The following CATSPERB variants were observed in gnomAD, a reference collection of about 807,000 sequenced individuals.
CATSPERB encodes catsper channel auxiliary subunit beta, also known as cation channel sperm-associated auxiliary subunit beta.
A neutral mutation model predicts 128.3 loss-of-function variants in CATSPERB; 93 were observed. The observed-to-expected ratio is 0.72, with a 90% CI of 0.61 to 0.86. The LOEUF is 0.86. Ranked by LOEUF, CATSPERB falls within the 40% of genes least tolerant of loss-of-function variation. The pLI is 0.00. For missense variants in CATSPERB, 1,153 were observed against 1,329.5 expected, an observed-to-expected ratio of 0.87 and a Z score of 2.06; for synonymous variants, 381 against 448.8, an observed-to-expected ratio of 0.85 and a Z score of 1.91.
chr14:91,617,760 A>T (rs1279680542), intron 19 of CATSPERB, 24 bp from the exon 20 acceptor site: 3 of 1,505,654 alleles, frequency 2.0e-6, no homozygotes, highest in South Asian at 2.5e-5. Flanking sequence ...GTTAACAGTT[A>T]ATATTAGATA....
chr14:91,721,471 C>T (rs940563890), intron 4 of CATSPERB, among the ~76,000 whole-genome samples: 3 of 152,102 alleles, frequency 2.0e-5, no homozygotes, highest in African/African-American at 7.2e-5. Context: ...TGAAAAGATA[C>T]TCAACATCAT....
chr14:91,605,108 G>C, intron 22 of CATSPERB: 1 of 1,255,222 alleles, frequency 8.0e-7, no homozygotes. Context: ...GCCTTTGGGA[G>C]GGGTGGAAGA....
intron 5 of CATSPERB, among the ~76,000 whole-genome samples, chr14:91,711,088 G>A (rs1462684002): frequency 1.3e-5 from 2 of 152,192 alleles, no homozygotes; most frequent in Non-Finnish European, 2.9e-5. Flanking sequence ...GAGTCCATCT[G>A]ATAATTCAGT....
In CATSPERB at chr14:91,723,204, G is replaced by T. The variant is rs879186979; in HGVS notation, c.169-15C>A. 1 of 1,283,344 alleles carries T rather than the reference G, an allele frequency of 7.8e-7. No individual in the cohort carries two copies. The highest frequency in any genetic ancestry group is 1.6e-5 in the African/African-American group (1 of 63,296). The allele number at this position is 1,283,344 out of a possible 1,614,324, so 79.5% of individuals were successfully genotyped here. On this transcript the variant is annotated splice_polypyrimidine_tract_variant and intron_variant, in intron 3 of 26. Coordinates refer to ENST00000256343, the MANE Select transcript of CATSPERB (RefSeq NM_024764.4). ...CACTGGATTTTCTTTAGGAAAGCAA[G>T]AAAAAAAAAAACAACTAATAACCAC...
chr14:91,645,677 C>G (rs897146007), intron 15 of CATSPERB, among the ~76,000 whole-genome samples: 2 of 131,734 alleles, frequency 1.5e-5, no homozygotes, highest in South Asian at 3.1e-4. Context: ...CTGTGCCCTG[C>G]CCCCAGAGGT....
intron 1 of CATSPERB, among the ~76,000 whole-genome samples, chr14:91,731,191 G>A (rs527818381): frequency 3.9e-5 from 6 of 152,300 alleles, no homozygotes; most frequent in African/African-American, 7.2e-5. Flanking sequence ...TATGAAGCAC[G>A]TGGTGGAAAT....
intron 5 of CATSPERB, among the ~76,000 whole-genome samples, chr14:91,717,582 A>G (rs1895963759): frequency 6.6e-6 from 1 of 152,208 alleles, no homozygotes; most frequent in Non-Finnish European, 1.5e-5. Context: ...TAACATAGAT[A>G]GAGTGTTTAG....
intron 23 of CATSPERB, among the ~76,000 whole-genome samples, chr14:91,590,310 C>T (rs377542109): frequency 6.6e-5 from 10 of 152,090 alleles, no homozygotes; most frequent in African/African-American, 1.9e-4. Context: ...GCAGGTGGAT[C>T]ACTTGAGGTC....
chr14:91,630,345 T>C (rs1894252636), intron 17 of CATSPERB, among the ~76,000 whole-genome samples: 1 of 152,178 alleles, frequency 6.6e-6, no homozygotes, highest in African/African-American at 2.4e-5. Context: ...GCAGGTAGAA[T>C]CACCCATCTG....
chr14:91,728,666 C>T (rs531080144), intron 2 of CATSPERB, among the ~76,000 whole-genome samples: 55 of 152,262 alleles, frequency 3.6e-4, no homozygotes, highest in Non-Finnish European at 1.5e-4. Flanking sequence ...TAATAAAACA[C>T]AGAAAATTAC....
chr14:91,603,016 A>G (rs1893633401), intron 22 of CATSPERB, among the ~76,000 whole-genome samples: 2 of 151,878 alleles, frequency 1.3e-5, no homozygotes, highest in Admixed American at 1.3e-4. Flanking sequence ...ACACATCTGC[A>G]GTATTAGTGA....
intron 20 of CATSPERB, among the ~76,000 whole-genome samples, chr14:91,612,797 A>C (rs1893859883): frequency 6.6e-6 from 1 of 152,184 alleles, no homozygotes; most frequent in Admixed American, 6.5e-5. Context: ...TCCACTATTA[A>C]AGGAAATACA....
In CATSPERB at chr14:91,589,532, A is replaced by C; in HGVS notation, c.2956+2T>G. 6.2e-7 allele frequency: 1 copy of C among 1,611,152 alleles called. No homozygotes were observed. The highest frequency in any genetic ancestry group is 1.3e-5 in the African/African-American group (1 of 74,934). On this transcript the variant is annotated splice_donor_variant, in intron 24 of 26. Coordinates refer to ENST00000256343, the MANE Select transcript of CATSPERB (RefSeq NM_024764.4). LOFTEE classifies it high-confidence loss of function. The stretch of plus-strand genomic sequence containing the variant: ...ATAATTACAGATGAAAGCAAACCCT[A>C]CTCAGTTTCCAGTTGTGCCTCATGT...
chr14:91,681,779 T>C (rs1895285868), intron 11 of CATSPERB, among the ~76,000 whole-genome samples: 1 of 152,196 alleles, frequency 6.6e-6, no homozygotes, highest in Admixed American at 6.5e-5. Context: ...GGACTTATGA[T>C]GCACTGCTGA....
At chr14:91,638,983 T>A in intron 16 of CATSPERB, 113 bp downstream of exon 16, 4 of 904,754 alleles carry the variant, frequency 4.4e-6, no homozygotes, top group Non-Finnish European at 6.6e-6. Context: ...GCAAACTGCA[T>A]TAATGAGTTT....
rs142347440 is a variant in CATSPERB, at chr14:91,729,472, G to A, written c.8C>T (p.Ser3Leu). 3.4e-4 allele frequency: 507 copies of A among 1,510,640 alleles called. No individual in the cohort carries two copies. The highest frequency in any genetic ancestry group is 4.2e-4 in the Non-Finnish European group (465 of 1,100,050). The allele number at this position is 1,510,640 out of a possible 1,614,324, so 93.6% of individuals were successfully genotyped here. Residue 3 changes from serine (S) to leucine (L), a missense_variant, in exon 2 of 27, where the codon TCG becomes TTG. Physicochemically the swap from Ser to Leu is moderately radical, Grantham distance 145. Transcript: ENST00000256343. ME[S>L]PLIYVSVLLL... is the part of the protein sequence containing the mutation. ...CAAAACTGAAACATATATAAGTGGC[G>A]ATTCCATCTGTTGGAATAAATAAGA...
intron 22 of CATSPERB, among the ~76,000 whole-genome samples, chr14:91,597,169 C>T (rs151219851): frequency 4.7e-4 from 72 of 152,058 alleles, no homozygotes; most frequent in African/African-American, 1.3e-3. Flanking sequence ...GGATTACAGG[C>T]GTGAACCACA....
chr14:91,695,541 T>G (rs779651390), intron 7 of CATSPERB, among the ~76,000 whole-genome samples: 2 of 152,206 alleles, frequency 1.3e-5, no homozygotes, highest in African/African-American at 2.4e-5. Context: ...ATAAACACTT[T>G]ATGCTGGTTA....
Position 91,708,206 on chromosome 14 carries a change from CT to C in CATSPERB, c.400del (p.Arg134GlufsTer8). 1 of 1,609,368 alleles carries C rather than the reference CT, an allele frequency of 6.2e-7. No individual in the cohort carries two copies. ...DIAAVEEWLVRITLHHGLNIY... is the reference protein window; with the variant it reads ...DIAAVEEWLVXITLHHGLNIY... The stretch of plus-strand genomic sequence containing the variant: ...ATTTAGTCCATGATGTAAAGTGATT[CT>C]TACTAACCATTCTTCTACAGCTGCA... On this transcript the variant is annotated frameshift_variant, in exon 6 of 27. Transcript: ENST00000256343. LOFTEE classifies it high-confidence loss of function.
Sources: allele counts gnomAD v4.1 joint callset (sites outside exome capture counted in the v4.1 genomes callset), GRCh38; gene constraint gnomAD v4.1.1; transcripts MANE v1.5; gene names NCBI Gene and HGNC (gene_info 2026-07-23, HGNC 2026-07-21).